The following PDE5A variants were observed in gnomAD, a reference collection of about 807,000 sequenced individuals.
PDE5A encodes cGMP-specific 3',5'-cyclic phosphodiesterase.
A neutral mutation model predicts 110.2 loss-of-function variants in PDE5A; 67 were observed. The ratio of observed to expected loss-of-function variants is 0.61; its 90% CI spans 0.50 to 0.75. The LOEUF is 0.75. PDE5A is among the 30% of genes least tolerant of loss of function. The pLI is 0.00. For synonymous variants in PDE5A, 328 were observed against 351.2 expected, an observed-to-expected ratio of 0.93 and a Z score of 0.74; for missense variants, 862 against 1,045.1, an observed-to-expected ratio of 0.82 and a Z score of 2.42.
At chr4:119,582,321 T>C (rs895924664) in intron 3 of PDE5A, among the ~76,000 whole-genome samples, 1 of 152,230 alleles carries the variant, frequency 6.6e-6, no homozygotes, top group Non-Finnish European at 1.5e-5. Flanking sequence ...AGTTCATCTG[T>C]CCAAGTTTTA....
intron 1 of PDE5A, among the ~76,000 whole-genome samples, chr4:119,625,507 G>A (rs1047655444): frequency 5.3e-5 from 8 of 152,070 alleles, no homozygotes; most frequent in African/African-American, 7.2e-5. Context: ...CATGAATGTC[G>A]AATGACAACA....
rs201307178 is a variant in PDE5A, at chr4:119,501,150, A to G, written c.2490+20T>C. On this transcript the variant is annotated intron_variant, in intron 20 of 20. Coordinates refer to ENST00000354960, the MANE Select transcript of PDE5A (RefSeq NM_001083.4). ...ACAACAGTCCAAGTTTAGCAAGTCT[A>G]GTAGTTTTCATATAAATACCTCATA... is the stretch of plus-strand genomic sequence containing the variant. 1.3e-4 allele frequency: 180 copies of G among 1,435,944 alleles called. No individual in the cohort carries two copies. The highest frequency in any genetic ancestry group is 2.0e-4 in the Admixed American group (12 of 59,658). The allele number at this position is 1,435,944 out of a possible 1,614,324, so 89.0% of individuals were successfully genotyped here. A position where few individuals can be genotyped will look rare whatever the true frequency, so the allele number is the denominator to read the frequency against.
chr4:119,497,156 A>G lies in PDE5A; in HGVS notation c.*1445T>C, dbSNP rs1171679013. On this transcript the variant is annotated 3_prime_UTR_variant, in exon 21 of 21. Coordinates refer to ENST00000354960, the MANE Select transcript of PDE5A (RefSeq NM_001083.4). ...GAAATTTTCTATCCAAATTAGTGAT[A>G]GAAACTCAGATCAAATATCTTTTTT... The G allele has an allele frequency of 6.6e-6, 1 of 152,154 alleles. No homozygotes were observed. The highest frequency in any genetic ancestry group is 1.9e-4 in the East Asian group (1 of 5,186). 9.4% of individuals were successfully genotyped at this position (152,154 alleles called of 1,614,324 possible).
chr4:119,571,322 ATAAAGT>A (rs1476380500), intron 3 of PDE5A, among the ~76,000 whole-genome samples: 8 of 152,292 alleles, frequency 5.3e-5, no homozygotes, highest in East Asian at 3.9e-4. Context: ...TTGACATGTG[ATAAAGT>A]TAAAGATCTG....
At chr4:119,600,639 T>A (rs577022933) in intron 2 of PDE5A, among the ~76,000 whole-genome samples, 34 of 152,180 alleles carry the variant, frequency 2.2e-4, no homozygotes, top group Non-Finnish European at 4.4e-4. Context: ...TGTTATAATT[T>A]GAACATCAGC....
intron 3 of PDE5A, among the ~76,000 whole-genome samples, chr4:119,589,168 CAGAGAA>C: frequency 6.6e-6 from 1 of 151,726 alleles, no homozygotes; most frequent in Admixed American, 6.6e-5. Flanking sequence ...TCAGAGAATT[CAGAGAA>C]ATTTCAGAGA....
At chr4:119,504,791 C>A (rs1320201609) in intron 17 of PDE5A, among the ~76,000 whole-genome samples, 192 bp from the exon 18 acceptor site, 1 of 152,060 alleles carries the variant, frequency 6.6e-6, no homozygotes, top group Non-Finnish European at 1.5e-5. Context: ...ATCATTGTTT[C>A]AGTTTCCCTT....
chr4:119,577,734 T>C (rs543585372), intron 3 of PDE5A, among the ~76,000 whole-genome samples: 4 of 152,338 alleles, frequency 2.6e-5, no homozygotes, highest in African/African-American at 7.2e-5. Flanking sequence ...AATATCATAC[T>C]GAATGGGCAA....
chr4:119,507,778 C>A, intron 15 of PDE5A, 74 bp from the exon 16 acceptor site: 1 of 890,516 alleles, frequency 1.1e-6, no homozygotes, highest in Non-Finnish European at 1.8e-6. Flanking sequence ...GAAATATATT[C>A]ACATATCTTA....
intron 3 of PDE5A, among the ~76,000 whole-genome samples, chr4:119,582,958 G>T (rs921034551): frequency 2.0e-5 from 3 of 152,170 alleles, no homozygotes; most frequent in Non-Finnish European, 4.4e-5. Flanking sequence ...AGGGCCCTAG[G>T]ATTTTTAGAA....
chr4:119,611,156 T>G (rs1729729146), intron 1 of PDE5A, among the ~76,000 whole-genome samples: 1 of 152,252 alleles, frequency 6.6e-6, no homozygotes, highest in Admixed American at 6.5e-5. Flanking sequence ...AAGTCATCTC[T>G]GACTGCTCCA....
chr4:119,544,623 T>C (rs537775860), intron 9 of PDE5A, among the ~76,000 whole-genome samples: 1 of 152,344 alleles, frequency 6.6e-6, no homozygotes, highest in South Asian at 2.1e-4. Flanking sequence ...TCAGTTTTAC[T>C]AAAGTTTTCT....
At chr4:119,551,586 G>T (rs985535112) in intron 9 of PDE5A, among the ~76,000 whole-genome samples, 1 of 152,166 alleles carries the variant, frequency 6.6e-6, no homozygotes, top group African/African-American at 2.4e-5. Flanking sequence ...AATACTCGAT[G>T]CACACTGATA....
At chr4:119,610,814 G>C (rs1245124110) in intron 1 of PDE5A, among the ~76,000 whole-genome samples, 1 of 151,970 alleles carries the variant, frequency 6.6e-6, no homozygotes, top group Non-Finnish European at 1.5e-5. Flanking sequence ...CTACCACCCT[G>C]GTCCAAACCC....
chr4:119,502,512 A>G (rs1725384982), intron 19 of PDE5A, 69 bp downstream of exon 19: 3 of 884,082 alleles, frequency 3.4e-6, no homozygotes, highest in Non-Finnish European at 5.4e-6. Flanking sequence ...CCATAGAGCC[A>G]TAAAAAGGAG....
chr4:119,535,284 CT>C (rs921154780), intron 11 of PDE5A, among the ~76,000 whole-genome samples: 8 of 152,074 alleles, frequency 5.3e-5, no homozygotes, highest in African/African-American at 1.9e-4. Flanking sequence ...ATGGTCACCC[CT>C]CATCCCCTTT....
Position 119,544,713 on chromosome 4 carries a change from C to A in PDE5A, c.1397-2079G>T, listed in dbSNP as rs553450482. On this transcript the variant is annotated intron_variant, in intron 9 of 20. Coordinates refer to ENST00000354960, the MANE Select transcript of PDE5A (RefSeq NM_001083.4). ...TACTACACGTATAGCAAGAAAAGTA[C>A]AACACAGAGGGGTTGAGATGTGAAT... 5.9e-5 allele frequency among the ~76,000 whole-genome samples: 9 copies of A among 152,246 alleles called. No individual in the cohort carries two copies. In the East Asian group the frequency reaches 1.7e-3, roughly 29 times the overall value.
intron 14 of PDE5A, among the ~76,000 whole-genome samples, chr4:119,514,121 G>A (rs1725831927): frequency 6.6e-6 from 1 of 152,172 alleles, no homozygotes; most frequent in Admixed American, 6.5e-5. Context: ...ACTGCTGTCA[G>A]TGAGCACTAA....
At chr4:119,540,706 A>G (rs1726896772) in intron 10 of PDE5A, among the ~76,000 whole-genome samples, 1 of 152,194 alleles carries the variant, frequency 6.6e-6, no homozygotes, top group African/African-American at 2.4e-5. Flanking sequence ...AACATCTGAT[A>G]AATTTAGTTA....
Sources: allele counts gnomAD v4.1 joint callset (sites outside exome capture counted in the v4.1 genomes callset), GRCh38; gene constraint gnomAD v4.1.1; transcripts MANE v1.5; gene names NCBI Gene and HGNC (gene_info 2026-07-23, HGNC 2026-07-21).